OSBPL8: variants seen among roughly 807,000 people sequenced by gnomAD.
OSBPL8 encodes oxysterol-binding protein-related protein 8.
A neutral mutation model predicts 125.5 loss-of-function variants in OSBPL8; 59 were observed. The observed-to-expected ratio is 0.47, with a 90% CI of 0.38 to 0.58. The LOEUF (loss-of-function observed/expected upper bound fraction) is 0.58. OSBPL8 is among the 20% of genes least tolerant of loss of function. The pLI, the probability that OSBPL8 is intolerant of heterozygous loss-of-function variation, is 0.00. For synonymous variants in OSBPL8, 330 were observed against 338.9 expected, an observed-to-expected ratio of 0.97 and a Z score of 0.29; for missense variants, 758 against 1,047.8, an observed-to-expected ratio of 0.72 and a Z score of 3.82.
chr12:76,410,051 A>G (rs1394164304), intron 5 of OSBPL8, among the ~76,000 whole-genome samples: 1 of 95,940 alleles, frequency 1.0e-5, no homozygotes, highest in Non-Finnish European at 2.7e-5. Flanking sequence ...TTTCTTCAAG[A>G]AAAAAAATGC....
chr12:76,483,209 C>T (rs1200217371), intron 2 of OSBPL8, among the ~76,000 whole-genome samples: 2 of 151,866 alleles, frequency 1.3e-5, no homozygotes, highest in Admixed American at 6.6e-5. Flanking sequence ...TGCAGTGAGC[C>T]GAGATTATGC....
At chr12:76,514,937 G>A (rs1032457433) in intron 1 of OSBPL8, among the ~76,000 whole-genome samples, 18 of 152,176 alleles carry the variant, frequency 1.2e-4, no homozygotes, top group African/African-American at 4.1e-4. Context: ...GGTTTATTCT[G>A]TTGTTAATAC....
intron 1 of OSBPL8, among the ~76,000 whole-genome samples, chr12:76,488,657 A>C (rs949781282): frequency 1.3e-5 from 2 of 152,190 alleles, no homozygotes; most frequent in Non-Finnish European, 2.9e-5. Flanking sequence ...CAGCCATATA[A>C]AACAAGTAAC....
chr12:76,373,905 G>C (rs1952715560), intron 17 of OSBPL8, among the ~76,000 whole-genome samples: 2 of 151,888 alleles, frequency 1.3e-5, no homozygotes, highest in African/African-American at 4.8e-5. Context: ...AAATTAGAAG[G>C]AATACACTGA....
At chr12:76,389,336 CCT>C (rs372468800) in intron 12 of OSBPL8, among the ~76,000 whole-genome samples, 10 of 151,976 alleles carry the variant, frequency 6.6e-5, no homozygotes, top group Admixed American at 5.9e-4. Flanking sequence ...ATGCCAATCA[CCT>C]CTCTCTCTCT....
At chr12:76,525,949 A>G (rs1231132305) in intron 1 of OSBPL8, among the ~76,000 whole-genome samples, 1 of 152,188 alleles carries the variant, frequency 6.6e-6, no homozygotes, top group Non-Finnish European at 1.5e-5. Flanking sequence ...CTGAAGGGAG[A>G]GTTACTACAA....
chr12:76,529,674 A>T (rs1272584799), intron 1 of OSBPL8, among the ~76,000 whole-genome samples: 1 of 152,244 alleles, frequency 6.6e-6, no homozygotes, highest in South Asian at 2.1e-4. Flanking sequence ...AGATAAGAAT[A>T]GGCTCATTAT....
chr12:76,369,109 T>G, intron 21 of OSBPL8, 105 bp downstream of exon 21: 1 of 1,432,482 alleles, frequency 7.0e-7, no homozygotes, highest in South Asian at 1.5e-5. Context: ...CGTATTTTGC[T>G]CACCCAAAAT....
chr12:76,501,954 C>T (rs11114266), intron 1 of OSBPL8, among the ~76,000 whole-genome samples: 6,292 of 152,306 alleles, frequency 0.041, 430 homozygotes, highest in African/African-American at 0.14. Flanking sequence ...GTAATACATA[C>T]AGCATTGCTT....
At chr12:76,428,850 AT>A (rs2136555066) in intron 4 of OSBPL8, among the ~76,000 whole-genome samples, 1 of 152,284 alleles carries the variant, frequency 6.6e-6, no homozygotes, top group South Asian at 2.1e-4. Context: ...TAACATTAAA[AT>A]TATCTATAAA....
chr12:76,473,987 G>A (rs979654117), intron 2 of OSBPL8, among the ~76,000 whole-genome samples: 1 of 152,090 alleles, frequency 6.6e-6, no homozygotes, highest in African/African-American at 2.4e-5. Context: ...ATAAACATTA[G>A]TCATTATTCA....
chr12:76,363,099 A>C (rs918162291), intron 21 of OSBPL8, among the ~76,000 whole-genome samples: 3 of 152,276 alleles, frequency 2.0e-5, no homozygotes, highest in African/African-American at 4.8e-5. Context: ...GAAAATGGCC[A>C]TACGGCCATA....
intron 2 of OSBPL8, among the ~76,000 whole-genome samples, chr12:76,461,710 T>C (rs779689964): frequency 4.6e-5 from 7 of 152,148 alleles, no homozygotes; most frequent in Non-Finnish European, 1.0e-4. Context: ...GTGCTGGGAT[T>C]ACAGGCATGA....
intron 23 of OSBPL8, 81 bp downstream of exon 23, chr12:76,356,545 T>G: frequency 6.1e-6 from 5 of 816,430 alleles, no homozygotes; most frequent in Non-Finnish European, 9.7e-6. Context: ...AAATATGAAG[T>G]CTGCATATGA....
chr12:76,394,760 A>C, intron 8 of OSBPL8, 31 bp from the exon 9 acceptor site: 1 of 1,473,934 alleles, frequency 6.8e-7, no homozygotes, highest in Non-Finnish European at 9.4e-7. Context: ...AATAAATGGT[A>C]TAGAGTAATT....
intron 4 of OSBPL8, among the ~76,000 whole-genome samples, chr12:76,433,825 A>T (rs1871135032): frequency 6.6e-6 from 1 of 151,932 alleles, no homozygotes; most frequent in Non-Finnish European, 1.5e-5. Flanking sequence ...ATACAAAAAA[A>T]ATTAGCCAGG....
chr12:76,510,618 G>T (rs565055492), intron 1 of OSBPL8, among the ~76,000 whole-genome samples: 2 of 152,080 alleles, frequency 1.3e-5, no homozygotes, highest in South Asian at 4.1e-4. Context: ...AGTGGCTCAC[G>T]CCTGTAATCC....
At chr12:76,533,312 G>A (rs1361509801) in intron 1 of OSBPL8, among the ~76,000 whole-genome samples, 1 of 152,024 alleles carries the variant, frequency 6.6e-6, no homozygotes, top group Non-Finnish European at 1.5e-5. Flanking sequence ...AGAAAAAAAT[G>A]TTTACTCAGG....
chr12:76,447,688 T>C (rs972821626), intron 4 of OSBPL8, among the ~76,000 whole-genome samples: 1 of 152,022 alleles, frequency 6.6e-6, no homozygotes. Context: ...GGATTACAGG[T>C]GCCCGCCACC....
Sources: allele counts gnomAD v4.1 joint callset (sites outside exome capture counted in the v4.1 genomes callset), GRCh38; gene constraint gnomAD v4.1.1; transcripts MANE v1.5; gene names NCBI Gene and HGNC (gene_info 2026-07-23, HGNC 2026-07-21).